Variants in SORCS2 observed in about 807,000 individuals in gnomAD.
SORCS2 encodes sortilin related VPS10 domain containing receptor 2.
A neutral mutation model predicts 141.6 loss-of-function variants in SORCS2; 100 were observed. That is an observed-to-expected ratio of 0.71 (90% confidence interval 0.60 to 0.83). The LOEUF (loss-of-function observed/expected upper bound fraction) is 0.83, where lower values mean the gene tolerates loss of function less well. SORCS2 is among the 40% of genes least tolerant of loss of function. The pLI, the probability that SORCS2 is intolerant of heterozygous loss-of-function variation, is 0.00. For missense variants in SORCS2, 1,646 were observed against 1,560.2 expected, an observed-to-expected ratio of 1.05 and a Z score of -0.93; for synonymous variants, 789 against 676.9, an observed-to-expected ratio of 1.17 and a Z score of -2.57.
intron 1 of SORCS2, among the ~76,000 whole-genome samples, chr4:7,291,365 G>C (rs1272604349): frequency 2.0e-5 from 3 of 152,142 alleles, no homozygotes; most frequent in African/African-American, 7.2e-5. Flanking sequence ...GTCCACGCCT[G>C]GCCCATGGGA....
chr4:7,504,923 G>GC (rs1378745574), intron 2 of SORCS2, among the ~76,000 whole-genome samples: 1 of 152,184 alleles, frequency 6.6e-6, no homozygotes, highest in African/African-American at 2.4e-5. Context: ...AGGCGCTGAT[G>GC]CCCCCCGGCC....
chr4:7,630,897 C>T (rs1166166596), intron 3 of SORCS2, among the ~76,000 whole-genome samples: 1 of 152,166 alleles, frequency 6.6e-6, no homozygotes, highest in South Asian at 2.1e-4. Flanking sequence ...GACACCAATC[C>T]TTAGGGCTAA....
intron 3 of SORCS2, among the ~76,000 whole-genome samples, chr4:7,617,432 C>T (rs1178461946): frequency 1.3e-5 from 2 of 152,184 alleles, no homozygotes; most frequent in Non-Finnish European, 2.9e-5. Flanking sequence ...TTATAGAGCT[C>T]CTCATATGCC....
intron 1 of SORCS2, among the ~76,000 whole-genome samples, chr4:7,261,717 G>A (rs896928857): frequency 6.6e-6 from 1 of 152,198 alleles, no homozygotes; most frequent in African/African-American, 2.4e-5. Flanking sequence ...ACTGGATTGA[G>A]TACTAATAAA....
intron 1 of SORCS2, among the ~76,000 whole-genome samples, chr4:7,266,092 C>T (rs768215247): frequency 2.0e-5 from 3 of 152,078 alleles, no homozygotes; most frequent in Admixed American, 6.5e-5. Context: ...TTCTGGAGCC[C>T]GAGGTGTTTC....
chr4:7,714,749 G>T (rs1726076235), intron 16 of SORCS2, among the ~76,000 whole-genome samples: 1 of 152,292 alleles, frequency 6.6e-6, no homozygotes, highest in Middle Eastern at 3.4e-3. Flanking sequence ...CTCAAAAGCT[G>T]CCTGTGACTG....
chr4:7,222,529 C>T (rs75636158), intron 1 of SORCS2, among the ~76,000 whole-genome samples: 2,694 of 152,066 alleles, frequency 0.018, 89 homozygotes, highest in African/African-American at 0.062. Context: ...ATGAAGCACT[C>T]GTCTAAAATG....
intron 2 of SORCS2, among the ~76,000 whole-genome samples, chr4:7,511,449 C>CACACAG (rs1732641475): frequency 6.8e-6 from 1 of 146,088 alleles, no homozygotes; most frequent in South Asian, 2.2e-4. Flanking sequence ...GACACACACA[C>CACACAG]ACACACACAG....
intron 3 of SORCS2, among the ~76,000 whole-genome samples, chr4:7,540,173 TCC>T: frequency 1.4e-4 from 5 of 35,824 alleles, no homozygotes; most frequent in African/African-American, 6.0e-4. Context: ...TCCCTGCCCC[TCC>T]CTGCCCCTCC....
At chr4:7,591,493 G>A (rs558019515) in intron 3 of SORCS2, among the ~76,000 whole-genome samples, 101 of 152,286 alleles carry the variant, frequency 6.6e-4, no homozygotes, top group African/African-American at 2.0e-3. Flanking sequence ...TGGCAGGCTG[G>A]TGGGGCCTGA....
chr4:7,458,676 T>G (rs1327796922), intron 2 of SORCS2, among the ~76,000 whole-genome samples: 1 of 152,204 alleles, frequency 6.6e-6, no homozygotes, highest in Non-Finnish European at 1.5e-5. Flanking sequence ...CTCTAGGGCC[T>G]AGGCTGGACA....
chr4:7,441,106 A>C (rs556238383), intron 2 of SORCS2, among the ~76,000 whole-genome samples: 1 of 152,210 alleles, frequency 6.6e-6, no homozygotes, highest in African/African-American at 2.4e-5. Context: ...GCACCCCAAG[A>C]GGGGGACTCG....
At chr4:7,410,964 T>TC (rs1337573745) in intron 2 of SORCS2, among the ~76,000 whole-genome samples, 4 of 142,064 alleles carry the variant, frequency 2.8e-5, no homozygotes, top group Non-Finnish European at 3.1e-5. Context: ...TTTTTTTTTT[T>TC]TTTTTTTTTT....
chr4:7,453,758 G>C (rs1254705857), intron 2 of SORCS2, among the ~76,000 whole-genome samples: 2 of 126,360 alleles, frequency 1.6e-5, no homozygotes, highest in African/African-American at 3.1e-5. Flanking sequence ...GTCAGGAGCT[G>C]TGTGTTGGGG....
intron 1 of SORCS2, among the ~76,000 whole-genome samples, chr4:7,318,448 G>T (rs759933959): frequency 2.6e-4 from 40 of 152,182 alleles, no homozygotes; most frequent in Non-Finnish European, 5.4e-4. Flanking sequence ...AAACCCTAGG[G>T]CCTGGTGTCA....
At chr4:7,470,986 T>C (rs147735400) in intron 2 of SORCS2, among the ~76,000 whole-genome samples, 1 of 151,942 alleles carries the variant, frequency 6.6e-6, no homozygotes, top group Non-Finnish European at 1.5e-5. Context: ...GACAGAGTAG[T>C]CATGGGGTCT....
chr4:7,581,413 A>G (rs1716133802), intron 3 of SORCS2, among the ~76,000 whole-genome samples: 1 of 152,132 alleles, frequency 6.6e-6, no homozygotes, highest in Non-Finnish European at 1.5e-5. Flanking sequence ...TATTGCATAT[A>G]TTGCTGTTAT....
intron 1 of SORCS2, among the ~76,000 whole-genome samples, chr4:7,258,689 A>G (rs1176604571): frequency 1.3e-5 from 2 of 152,206 alleles, no homozygotes; most frequent in Admixed American, 6.5e-5. Flanking sequence ...GTCAAATGGT[A>G]TTTCTAGTTC....
chr4:7,478,324 T>C (rs555149684), intron 2 of SORCS2, among the ~76,000 whole-genome samples: 23 of 152,134 alleles, frequency 1.5e-4, no homozygotes, highest in Middle Eastern at 6.8e-3. Context: ...ATGGTCTGCG[T>C]CACCAGCTCC....
Sources: allele counts gnomAD v4.1 joint callset (sites outside exome capture counted in the v4.1 genomes callset), GRCh38; gene constraint gnomAD v4.1.1; transcripts MANE v1.5; gene names NCBI Gene and HGNC (gene_info 2026-07-23, HGNC 2026-07-21).